UTRN: variants seen among roughly 807,000 people sequenced by gnomAD.
The protein encoded by UTRN is utrophin, also known as dystrophin-related protein 1.
Under a neutral mutation model 463.9 loss-of-function variants are expected in UTRN, and 283 were observed. The observed-to-expected ratio is 0.61, with a 90% CI of 0.55 to 0.67. The LOEUF is 0.67. Among genes scored for constraint, UTRN ranks in the 30% least tolerant of loss-of-function variants. UTRN has a pLI of 0.00. For missense variants in UTRN, 3,922 were observed against 4,084.3 expected, an observed-to-expected ratio of 0.96 and a Z score of 1.08; for synonymous variants, 1,442 against 1,431.5, an observed-to-expected ratio of 1.01 and a Z score of -0.17.
At chr6:144,514,414 A>G (rs1035533243) in intron 36 of UTRN, among the ~76,000 whole-genome samples, 1 of 152,164 alleles carries the variant, frequency 6.6e-6, no homozygotes, top group Non-Finnish European at 1.5e-5. Flanking sequence ...AATGAGTCTT[A>G]CATACTTTTG....
intron 69 of UTRN, among the ~76,000 whole-genome samples, chr6:144,833,141 A>C (rs1418936176): frequency 2.0e-5 from 3 of 152,120 alleles, no homozygotes; most frequent in Non-Finnish European, 4.4e-5. Context: ...TTTTTAACTA[A>C]TATTAGAATA....
chr6:144,775,603 G>A (rs1348592193), intron 60 of UTRN, among the ~76,000 whole-genome samples: 1 of 152,194 alleles, frequency 6.6e-6, no homozygotes, highest in Admixed American at 6.5e-5. Flanking sequence ...TGTTTGGTCT[G>A]CGCAGGAGTC....
intron 2 of UTRN, among the ~76,000 whole-genome samples, chr6:144,314,297 C>A (rs1775136447): frequency 6.6e-6 from 1 of 152,172 alleles, no homozygotes; most frequent in Non-Finnish European, 1.5e-5. Flanking sequence ...AGGGCGCAGG[C>A]CTGGTTTCCG....
At chr6:144,503,972 G>A (rs560674314) in intron 34 of UTRN, among the ~76,000 whole-genome samples, 160 of 152,256 alleles carry the variant, frequency 1.1e-3, no homozygotes, top group African/African-American at 3.5e-3. Context: ...TCCCTTGTAA[G>A]TTGTATTCCT....
rs1254663676 is a variant in UTRN at position 144,793,814 on chromosome 6, C to A, written c.8921-20C>A. On this transcript the variant is annotated intron_variant, in intron 62 of 74. Coordinates refer to ENST00000367545, the MANE Select transcript of UTRN (RefSeq NM_007124.3). ...AACATGGTAGACAGATGAAAGTTAA[C>A]CTCTTGCCTCTCTTTGCAGATCTCT... is the stretch of plus-strand genomic sequence containing the variant. 1.2e-6 allele frequency: 2 copies of A among 1,610,436 alleles called. No individual in the cohort carries two copies. Among genetic ancestry groups the A allele is most frequent in the Admixed American group, 3.4e-5 (2 of 59,660 alleles).
At chr6:144,595,036 A>G (rs1803497196) in intron 51 of UTRN, among the ~76,000 whole-genome samples, 1 of 152,180 alleles carries the variant, frequency 6.6e-6, no homozygotes, top group Non-Finnish European at 1.5e-5. Context: ...TGTACTTTTA[A>G]TAGAAATTAT....
chr6:144,428,648 A>T (rs1445198088), intron 7 of UTRN, 130 bp from the exon 8 acceptor site: 2 of 533,246 alleles, frequency 3.8e-6, no homozygotes, highest in Non-Finnish European at 6.6e-6. Context: ...AGCCTTTGGG[A>T]TATAAAAATA....
intron 54 of UTRN, among the ~76,000 whole-genome samples, chr6:144,743,428 G>A (rs898298839): frequency 2.6e-5 from 4 of 152,204 alleles, no homozygotes; most frequent in African/African-American, 9.6e-5. Flanking sequence ...CTCAAAGGAA[G>A]AGTTTTTTTT....
intron 60 of UTRN, among the ~76,000 whole-genome samples, chr6:144,781,109 C>A (rs565488768): frequency 2.0e-5 from 3 of 152,204 alleles, no homozygotes; most frequent in Non-Finnish European, 4.4e-5. Context: ...GCACACCCTC[C>A]TGGCTCTAGC....
intron 34 of UTRN, among the ~76,000 whole-genome samples, chr6:144,503,768 C>T (rs1320855631): frequency 6.6e-6 from 1 of 152,022 alleles, no homozygotes; most frequent in Admixed American, 6.5e-5. Flanking sequence ...GTGTTTTTTT[C>T]TAATTCTGTG....
chr6:144,288,868 A>T (rs1357337715), intron 1 of UTRN, among the ~76,000 whole-genome samples: 1 of 151,768 alleles, frequency 6.6e-6, no homozygotes, highest in African/African-American at 2.4e-5. Flanking sequence ...AGTTCAATCA[A>T]TTCCCCTGCC....
At chr6:144,644,694 A>G (rs1778109983) in intron 51 of UTRN, among the ~76,000 whole-genome samples, 1 of 152,224 alleles carries the variant, frequency 6.6e-6, no homozygotes, top group Admixed American at 6.5e-5. Context: ...CAGAGAAACC[A>G]ACTTTATCTC....
chr6:144,352,563 G>C (rs1189458840), intron 2 of UTRN, among the ~76,000 whole-genome samples: 1 of 152,122 alleles, frequency 6.6e-6, no homozygotes, highest in Non-Finnish European at 1.5e-5. Context: ...TTCTCCTGCT[G>C]TTGCAAGGAG....
At chr6:144,301,621 G>C (rs1410488853) in intron 2 of UTRN, among the ~76,000 whole-genome samples, 1 of 133,112 alleles carries the variant, frequency 7.5e-6, no homozygotes, top group Non-Finnish European at 1.6e-5. Context: ...TCAGCCCTCC[G>C]CCTCCCAGGT....
chr6:144,797,805 A>T lies in UTRN; in HGVS notation c.9079-19A>T, dbSNP rs41285041. 1.2e-6 allele frequency: 2 copies of T among 1,609,202 alleles called. No homozygotes were observed. Among genetic ancestry groups the T allele is most frequent in the South Asian group, 2.2e-5 (2 of 90,796 alleles). ...ATGAAGGCATTTCTTCACTTTTAAT[A>T]TATTTCTTTTTTCACCAGAATAACA... On this transcript the variant is annotated intron_variant, in intron 63 of 74. Transcript: ENST00000367545.
At chr6:144,437,525 C>A in intron 10 of UTRN, 40 bp from the exon 11 acceptor site, 1 of 1,470,692 alleles carries the variant, frequency 6.8e-7, no homozygotes, top group South Asian at 1.5e-5. Context: ...TTTTTTTTTG[C>A]ACTGAGTAGC....
At chr6:144,522,232 T>C (rs1239934427) in intron 40 of UTRN, 61 bp downstream of exon 40, 1 of 1,342,764 alleles carries the variant, frequency 7.4e-7, no homozygotes, top group African/African-American at 1.5e-5. Context: ...AGGAAGAAAT[T>C]TGTTCTTGTG....
intron 1 of UTRN, among the ~76,000 whole-genome samples, chr6:144,289,042 T>G (rs1225384922): frequency 6.6e-6 from 1 of 152,176 alleles, no homozygotes; most frequent in Non-Finnish European, 1.5e-5. Flanking sequence ...TCAAGTGATC[T>G]GCCTGCCTCA....
intron 64 of UTRN, among the ~76,000 whole-genome samples, chr6:144,800,412 T>G (rs775645637): frequency 4.6e-5 from 7 of 152,208 alleles, no homozygotes; most frequent in African/African-American, 7.2e-5. Context: ...TTTAAGTTTC[T>G]GCTAGTACTA....
Sources: allele counts gnomAD v4.1 joint callset (sites outside exome capture counted in the v4.1 genomes callset), GRCh38; gene constraint gnomAD v4.1.1; transcripts MANE v1.5; gene names NCBI Gene and HGNC (gene_info 2026-07-23, HGNC 2026-07-21).